PTCHD4: variants seen among roughly 807,000 people sequenced by gnomAD.
PTCHD4 encodes patched domain containing 4.
A neutral mutation model predicts 58.1 loss-of-function variants in PTCHD4; 33 were observed. That is an observed-to-expected ratio of 0.57 (90% CI 0.43 to 0.76). The LOEUF (loss-of-function observed/expected upper bound fraction) is 0.76. PTCHD4 is among the 30% of genes least tolerant of loss of function. PTCHD4 has a pLI of 0.00. For missense variants in PTCHD4, 1,058 were observed against 1,027.1 expected (o/e 1.03, Z -0.41); for synonymous variants, 478 against 409.6 (o/e 1.17, Z -2.02).
At chr6:47,977,104 T>C (rs999483722) in intron 4 of PTCHD4, among the ~76,000 whole-genome samples, 2 of 152,218 alleles carry the variant, frequency 1.3e-5, no homozygotes, top group Non-Finnish European at 2.9e-5. Flanking sequence ...CCTCTCTAAT[T>C]GTGTACTCTG....
intron 4 of PTCHD4, among the ~76,000 whole-genome samples, chr6:47,882,354 C>A (rs1004884344): frequency 6.6e-6 from 1 of 151,970 alleles, no homozygotes; most frequent in Non-Finnish European, 1.5e-5. Context: ...TGATACTAAA[C>A]CATATTAGAT....
intron 4 of PTCHD4, among the ~76,000 whole-genome samples, chr6:47,895,537 C>A (rs1764505205): frequency 6.6e-6 from 1 of 152,170 alleles, no homozygotes; most frequent in Non-Finnish European, 1.5e-5. Context: ...AGATAGCCTG[C>A]CTTTCAAATA....
intron 4 of PTCHD4, among the ~76,000 whole-genome samples, chr6:47,966,637 T>C (rs531079679): frequency 6.6e-6 from 1 of 152,356 alleles, no homozygotes; most frequent in South Asian, 2.1e-4. Context: ...TTTCCACTGC[T>C]TTCTCAATTT....
At chr6:48,088,702 C>T (rs965845472) in intron 1 of PTCHD4, among the ~76,000 whole-genome samples, 2 of 152,168 alleles carry the variant, frequency 1.3e-5, no homozygotes, top group Admixed American at 6.5e-5. Context: ...TCAGAATTAG[C>T]TCTCTTTTCT....
At chr6:47,890,886 T>C (rs1764356595) in intron 4 of PTCHD4, 3 of 984,632 alleles carry the variant, frequency 3.0e-6, no homozygotes, top group Non-Finnish European at 2.4e-6. Flanking sequence ...TTTTTTTCTC[T>C]GTACCTTCCA....
At chr6:47,982,729 C>T (rs976067267) in intron 4 of PTCHD4, among the ~76,000 whole-genome samples, 2 of 152,086 alleles carry the variant, frequency 1.3e-5, no homozygotes, top group African/African-American at 2.4e-5. Flanking sequence ...CCTCGTGATC[C>T]GCCCGTCTCG....
intron 3 of PTCHD4, among the ~76,000 whole-genome samples, chr6:48,023,442 G>A (rs547039930): frequency 6.6e-6 from 1 of 152,226 alleles, no homozygotes; most frequent in African/African-American, 2.4e-5. Context: ...TGTGAGTCTG[G>A]TAGTCAAAAT....
chr6:48,080,919 A>G (rs1211754303), intron 1 of PTCHD4, among the ~76,000 whole-genome samples: 1 of 152,116 alleles, frequency 6.6e-6, no homozygotes, highest in Non-Finnish European at 1.5e-5. Flanking sequence ...TGTTTTTAGC[A>G]TTGTATGTTT....
intron 4 of PTCHD4, among the ~76,000 whole-genome samples, chr6:47,961,247 A>G (rs189464771): frequency 6.6e-6 from 1 of 152,176 alleles, no homozygotes; most frequent in African/African-American, 2.4e-5. Context: ...ATACTTACAA[A>G]AGTGAAATTG....
intron 4 of PTCHD4, among the ~76,000 whole-genome samples, chr6:48,007,936 G>GCACA (rs10554552): frequency 1.4e-4 from 21 of 150,240 alleles, no homozygotes; most frequent in African/African-American, 3.2e-4. Flanking sequence ...GTGCGCGCGC[G>GCACA]CACACACACA....
chr6:47,898,750 C>G (rs1764603475), intron 4 of PTCHD4, among the ~76,000 whole-genome samples: 2 of 151,932 alleles, frequency 1.3e-5, no homozygotes, highest in Admixed American at 1.3e-4. Context: ...GACACGAATC[C>G]CTTGCAAGAG....
chr6:48,023,515 C>T (rs1212441327), intron 3 of PTCHD4, among the ~76,000 whole-genome samples: 6 of 152,184 alleles, frequency 3.9e-5, no homozygotes, highest in Admixed American at 3.9e-4. Context: ...GCCACCACTA[C>T]ATAAGCATGA....
At position 48,069,788 on chromosome 6, in the gene PTCHD4, T is replaced by G. The variant is rs1355162710; in HGVS notation, c.-831A>C. Among the ~76,000 whole-genome samples the G allele has an allele frequency of 6.6e-6, 1 of 152,190 alleles. No individual in the cohort carries two copies. Among genetic ancestry groups the G allele is most frequent in the African/African-American group, 2.4e-5 (1 of 41,454 alleles). On this transcript the variant is annotated 5_prime_UTR_variant, in exon 2 of 5. Coordinates refer to ENST00000339488, the MANE Select transcript of PTCHD4 (RefSeq NM_001384253.1). ...TTAAAGGACAGAAAGTTCCTAAAGCTGATTTCAGTCCCCTTTTCCAGTGTC... is the reference window on the plus strand; with the variant it reads ...TTAAAGGACAGAAAGTTCCTAAAGCGGATTTCAGTCCCCTTTTCCAGTGTC...
chr6:48,057,460 A>G (rs887817187), intron 3 of PTCHD4, among the ~76,000 whole-genome samples: 1 of 152,308 alleles, frequency 6.6e-6, no homozygotes. Context: ...TTAGACACAT[A>G]CACTTACACT....
At chr6:47,953,472 G>T (rs974099938) in intron 4 of PTCHD4, among the ~76,000 whole-genome samples, 2 of 152,102 alleles carry the variant, frequency 1.3e-5, no homozygotes, top group African/African-American at 4.8e-5. Context: ...GTACATCTCA[G>T]AGGGAATTCC....
At chr6:48,109,568 C>G (rs887778492) in intron 1 of PTCHD4, among the ~76,000 whole-genome samples, 3 of 151,936 alleles carry the variant, frequency 2.0e-5, no homozygotes, top group South Asian at 2.1e-4. Flanking sequence ...CTACATCAAA[C>G]TAAAAAGCTC....
At chr6:48,052,912 T>G (rs1456109051) in intron 3 of PTCHD4, among the ~76,000 whole-genome samples, 4 of 152,224 alleles carry the variant, frequency 2.6e-5, no homozygotes, top group East Asian at 1.9e-4. Flanking sequence ...GTAAATGATT[T>G]GTGAACCCAC....
At position 47,870,685 on chromosome 6, in the gene PTCHD4, G is replaced by A. The variant is rs540762124; in HGVS notation, c.*7618C>T. ...TGAGATCTAAAATGGCTACACAGCA[G>A]TCTTCTATTTCACAGGAGATATTTT... On this transcript the variant is annotated 3_prime_UTR_variant, in exon 5 of 5. Transcript: ENST00000339488. 6.6e-6 allele frequency among the ~76,000 whole-genome samples: 1 copy of A among 151,712 alleles called. No individual in the cohort carries two copies. The highest frequency in any genetic ancestry group is 2.4e-5 in the African/African-American group (1 of 41,498).
chr6:47,884,178 A>C (rs574162822), intron 4 of PTCHD4, among the ~76,000 whole-genome samples: 91 of 152,274 alleles, frequency 6.0e-4, no homozygotes, highest in African/African-American at 2.1e-3. Context: ...CTACCTATAT[A>C]ACTAATTCAA....
Sources: allele counts gnomAD v4.1 joint callset (sites outside exome capture counted in the v4.1 genomes callset), GRCh38; gene constraint gnomAD v4.1.1; transcripts MANE v1.5; gene names NCBI Gene and HGNC (gene_info 2026-07-23, HGNC 2026-07-21).